The following USP37 variants were observed in gnomAD, a reference collection of about 807,000 sequenced individuals.
The protein encoded by USP37 is ubiquitin carboxyl-terminal hydrolase 37.
In USP37, 27 loss-of-function variants were observed where a neutral mutation model predicts 124.0. The ratio of observed to expected loss-of-function variants is 0.22; its 90% CI spans 0.16 to 0.30. The LOEUF is 0.30. Among genes scored for constraint, USP37 ranks in the 10% least tolerant of loss-of-function variants. The probability of loss-of-function intolerance (pLI) is 1.00; values close to 1 mark genes in which losing one functional copy is unlikely to be tolerated. For synonymous variants in USP37, 365 were observed against 388.0 expected (o/e 0.94, Z 0.70); for missense variants, 889 against 1,140.4 (o/e 0.78, Z 3.17).
At chr2:218,523,104 C>T (rs1433293430) in intron 10 of USP37, among the ~76,000 whole-genome samples, 3 of 152,084 alleles carry the variant, frequency 2.0e-5, no homozygotes, top group Admixed American at 6.6e-5. Flanking sequence ...GGTGAAACCC[C>T]GTCTCTACCA....
chr2:218,561,182 G>A (rs1234482152), intron 2 of USP37, among the ~76,000 whole-genome samples: 1 of 152,156 alleles, frequency 6.6e-6, no homozygotes, highest in East Asian at 1.9e-4. Flanking sequence ...ATTATAATTT[G>A]TGACTTTATT....
chr2:218,490,949 C>T (rs1691905321), intron 14 of USP37, among the ~76,000 whole-genome samples: 1 of 152,212 alleles, frequency 6.6e-6, no homozygotes, highest in Non-Finnish European at 1.5e-5. Context: ...CCACGGCTCA[C>T]TACAGCCTCG....
Position 218,455,615 on chromosome 2 carries a change from T to G in USP37, c.2817A>C (p.Arg939=), listed in dbSNP as rs763379557. 6.2e-7 allele frequency: 1 copy of G among 1,614,102 alleles called. No individual in the cohort carries two copies. The highest frequency in any genetic ancestry group is 8.5e-7 in the Non-Finnish European group (1 of 1,179,992). The change falls in exon 25 of 26, where the codon CGA becomes CGC. Residue 939 remains arginine, a synonymous_variant. Coordinates refer to ENST00000258399, the MANE Select transcript of USP37 (RefSeq NM_020935.3). The stretch of plus-strand genomic sequence containing the variant: ...AAAAGAAGATGTAGCCACTCCGATC[T>G]CGATCACTCTGCACGGCAGCCTCTT... ...KIQEAAVQSD[R]DRSGYIFFYM...
chr2:218,489,209 T>C (rs1691767538), intron 14 of USP37, among the ~76,000 whole-genome samples: 1 of 150,178 alleles, frequency 6.7e-6, no homozygotes, highest in Non-Finnish European at 1.5e-5. Flanking sequence ...AATACAAAAA[T>C]TAGCCAGGCG....
In USP37 at chr2:218,453,829, G is replaced by A. The variant is rs1206394646; in HGVS notation, c.*1101C>T. On this transcript the variant is annotated 3_prime_UTR_variant, in exon 26 of 26. Transcript: ENST00000258399. ...AGACAGTAAATGGTTAAATGCCCAA[G>A]GTTTGTCCTACAGCTCAAGTACTTA... 6.6e-6 allele frequency: 1 copy of A among 152,154 alleles called. No homozygotes were observed. Among genetic ancestry groups the A allele is most frequent in the Non-Finnish European group, 1.5e-5 (1 of 68,042 alleles). 9.4% of individuals were successfully genotyped at this position (152,154 alleles called of 1,614,324 possible).
chr2:218,528,637 T>A (rs565865463), intron 10 of USP37: 1 of 406,642 alleles, frequency 2.5e-6, no homozygotes, highest in Non-Finnish European at 4.3e-6. Flanking sequence ...TATTCCATGG[T>A]ATATATATGC....
intron 1 of USP37, among the ~76,000 whole-genome samples, chr2:218,565,046 C>T (rs1376956908): frequency 6.6e-6 from 1 of 152,164 alleles, no homozygotes; most frequent in Non-Finnish European, 1.5e-5. Context: ...CTCAGCCTCC[C>T]AAGTAGCTAG....
intron 17 of USP37, among the ~76,000 whole-genome samples, chr2:218,480,188 G>A (rs553977764): frequency 1.3e-5 from 2 of 151,438 alleles, no homozygotes; most frequent in Non-Finnish European, 2.9e-5. Flanking sequence ...CATGAGGTCA[G>A]GAGATCGAGA....
chr2:218,464,376 T>C (rs1466032691), intron 21 of USP37, among the ~76,000 whole-genome samples: 1 of 152,092 alleles, frequency 6.6e-6, no homozygotes, highest in Non-Finnish European at 1.5e-5. Context: ...TAGTTGAGAA[T>C]ACAGGCGCAC....
intron 15 of USP37, 97 bp downstream of exon 15, chr2:218,488,207 A>C (rs1559179446): frequency 1.1e-5 from 8 of 730,408 alleles, no homozygotes; most frequent in Non-Finnish European, 1.7e-5. Flanking sequence ...AGAAAAGAAA[A>C]GAAACTTTGC....
intron 11 of USP37, among the ~76,000 whole-genome samples, chr2:218,499,850 C>T (rs1208756332): frequency 6.6e-6 from 1 of 152,106 alleles, no homozygotes; most frequent in East Asian, 1.9e-4. Flanking sequence ...GGTGTGATGA[C>T]AACGTACTGC....
chr2:218,469,207 CAAAA>C (rs891026840), intron 20 of USP37, among the ~76,000 whole-genome samples: 10 of 152,166 alleles, frequency 6.6e-5, no homozygotes, highest in Non-Finnish European at 1.3e-4. Flanking sequence ...ATTAAACACA[CAAAA>C]AACAATTATC....
rs35539483 is a variant in USP37, at chr2:218,523,263, C to CAA, written c.863+6691_863+6692dup. Among the ~76,000 whole-genome samples the CAA allele has an allele frequency of 2.0e-4, 26 of 129,644 alleles. 1 individual carries two copies. The highest frequency in any genetic ancestry group is 1.7e-3 in the East Asian group (8 of 4,594). 85.1% of individuals were successfully genotyped at this position (129,644 alleles called of 152,430 possible). ...GTGGGGCAAGAGCGAGACTTCGTCT[C>CAA]AAAAAAAAAAAAAGAATTTCAGATT... is the stretch of plus-strand genomic sequence containing the variant. On this transcript the variant is annotated intron_variant, in intron 10 of 25. Transcript: ENST00000258399.
chr2:218,519,641 T>C (rs1201620369), intron 10 of USP37, among the ~76,000 whole-genome samples: 3 of 152,024 alleles, frequency 2.0e-5, no homozygotes, highest in Non-Finnish European at 4.4e-5. Context: ...GTTTGTTTTT[T>C]GTTTTTTTTT....
chr2:218,512,031 C>A (rs1040461497), intron 10 of USP37, among the ~76,000 whole-genome samples: 1 of 151,932 alleles, frequency 6.6e-6, no homozygotes, highest in Admixed American at 6.6e-5. Context: ...CAATTGTTCC[C>A]AAATTACTTA....
At chr2:218,533,745 C>T (rs899275222) in intron 9 of USP37, among the ~76,000 whole-genome samples, 1 of 152,126 alleles carries the variant, frequency 6.6e-6, no homozygotes, top group Non-Finnish European at 1.5e-5. Context: ...TTCTCTTAAA[C>T]TATCAATTTA....
rs1269458571 is a variant in USP37, at chr2:218,482,202, A to C, written c.1703T>G (p.Phe568Cys). 2 of 1,613,482 alleles carry C rather than the reference A, an allele frequency of 1.2e-6. No individual in the cohort carries two copies. The highest frequency in any genetic ancestry group is 1.7e-6 in the Non-Finnish European group (2 of 1,179,694). ...ATTGTTAAGCGAGAGAGCCACATTGAAGCTATATCGTTTCAAATGGAGAAT... is the reference window on the plus strand; with the variant it reads ...ATTGTTAAGCGAGAGAGCCACATTGCAGCTATATCGTTTCAAATGGAGAAT... ...VLILHLKRYS[F>C]NVALSLNNKI... Residue 568 changes from phenylalanine to cysteine, a missense_variant, in exon 17 of 26, where the codon TTC (phenylalanine) becomes TGC (cysteine). This residue lies in a region of USP37 where 504 missense variants were observed against 714.3 expected (regional missense o/e 0.71). Transcript: ENST00000258399.
At chr2:218,459,388 A>G (rs773739063) in intron 23 of USP37, among the ~76,000 whole-genome samples, 3 of 152,072 alleles carry the variant, frequency 2.0e-5, no homozygotes, top group Non-Finnish European at 2.9e-5. Context: ...CATTTTTAGT[A>G]GAGACAGGGT....
At chr2:218,463,284 G>T (rs757809969) in intron 22 of USP37, 22 bp downstream of exon 22, 1 of 1,604,060 alleles carries the variant, frequency 6.2e-7, no homozygotes. Context: ...TTAAAAAAAT[G>T]TAATTAAAAA....
Sources: allele counts gnomAD v4.1 joint callset (sites outside exome capture counted in the v4.1 genomes callset), GRCh38; gene constraint gnomAD v4.1.1; regional missense constraint gnomAD v4.1.1; transcripts MANE v1.5; gene names NCBI Gene and HGNC (gene_info 2026-07-23, HGNC 2026-07-21).